Variants in FGF13 observed in about 807,000 individuals in gnomAD.
The protein encoded by FGF13 is fibroblast growth factor homologous factor 2.
FGF13 carries 2 observed loss-of-function variants against 19.5 expected under a neutral mutation model. The observed-to-expected ratio is 0.10, with a 90% CI of 0.04 to 0.32. The LOEUF is 0.32. Among genes scored for constraint, FGF13 ranks in the 10% least tolerant of loss-of-function variants. The probability of loss-of-function intolerance (pLI) is 1.00; values close to 1 mark genes in which losing one functional copy is unlikely to be tolerated. For synonymous variants in FGF13, 72 were observed against 76.9 expected, an observed-to-expected ratio of 0.94 and a Z score of 0.33; for missense variants, 113 against 192.7, an observed-to-expected ratio of 0.59 and a Z score of 2.45.
At chrX:139,158,569 G>C (rs1342053257) in intron 1 of FGF13, among the ~76,000 whole-genome samples, 1 of 110,994 alleles carries the variant, frequency 9.0e-6, no homozygotes, top group East Asian at 2.9e-4. Context: ...CTCCTCTCTG[G>C]GCAGGGCATC....
At chrX:139,200,638 G>A (rs1346268172) in intron 1 of FGF13, among the ~76,000 whole-genome samples, 2 of 112,341 alleles carry the variant, frequency 1.8e-5, no homozygotes, top group Non-Finnish European at 3.8e-5. Context: ...TATGGTGGCT[G>A]TTAAGCTAAG....
At chrX:138,786,302 C>G (rs1218182008) in intron 3 of FGF13, among the ~76,000 whole-genome samples, 5 of 111,010 alleles carry the variant, frequency 4.5e-5, no homozygotes, top group African/African-American at 1.6e-4. Flanking sequence ...GAGGGATTTC[C>G]ATCTTCACTC....
At chrX:139,165,511 G>A (rs775162018) in intron 1 of FGF13, among the ~76,000 whole-genome samples, 3 of 111,420 alleles carry the variant, frequency 2.7e-5, no homozygotes, top group South Asian at 3.8e-4. Context: ...GAAAAATCCC[G>A]AAAGCACTTT....
intron 1 of FGF13, among the ~76,000 whole-genome samples, chrX:139,131,263 C>T (rs1160151830): frequency 4.5e-5 from 5 of 111,550 alleles, no homozygotes; most frequent in African/African-American, 1.3e-4. Context: ...CACTCTATCA[C>T]TTATTTGCTG....
At chrX:138,871,606 T>C (rs888865154) in intron 1 of FGF13, among the ~76,000 whole-genome samples, 2 of 112,379 alleles carry the variant, frequency 1.8e-5, no homozygotes, top group Non-Finnish European at 3.7e-5. Context: ...TAATTCAGCC[T>C]AATCTACATA....
chrX:138,800,465 C>T (rs977143711), intron 3 of FGF13, among the ~76,000 whole-genome samples: 9 of 111,891 alleles, frequency 8.0e-5, no homozygotes, highest in Non-Finnish European at 1.1e-4. Context: ...ATGGGCTCCT[C>T]TTTGTAAGTA....
At chrX:138,690,079 G>A (rs1351935682) in intron 3 of FGF13, among the ~76,000 whole-genome samples, 3 of 111,430 alleles carry the variant, frequency 2.7e-5, no homozygotes, top group African/African-American at 9.8e-5. Flanking sequence ...ATGTAATGAA[G>A]AGCTTTAATA....
At chrX:139,094,563 G>T (rs4829959) in intron 1 of FGF13, among the ~76,000 whole-genome samples, 8,297 of 111,500 alleles carry the variant, frequency 0.074, 372 homozygotes, top group African/African-American at 0.16. Flanking sequence ...GGAGAGGGCT[G>T]ACCTGACCAA....
At chrX:138,813,350 A>G (rs772255549) in intron 3 of FGF13, among the ~76,000 whole-genome samples, 6 of 111,240 alleles carry the variant, frequency 5.4e-5, no homozygotes, top group Admixed American at 2.9e-4. Context: ...ACAGCTTCCT[A>G]ACTGAGCTCT....
chrX:138,740,659 G>GA (rs1222959567), upstream of FGF13, among the ~76,000 whole-genome samples: 1 of 111,557 alleles, frequency 9.0e-6, no homozygotes, highest in Non-Finnish European at 1.9e-5. Context: ...ACAGCCCAGG[G>GA]ACCTGAACAA....
intron 1 of FGF13, among the ~76,000 whole-genome samples, chrX:139,171,194 TG>T (rs200205660): frequency 0.067 from 7,450 of 111,472 alleles, 605 homozygotes; most frequent in African/African-American, 0.23. Context: ...TTCATCTTAG[TG>T]TCCCCAGAGC....
intron 1 of FGF13, among the ~76,000 whole-genome samples, chrX:139,045,577 T>A (rs188555047): frequency 6.2e-5 from 7 of 112,629 alleles, no homozygotes; most frequent in Non-Finnish European, 1.1e-4. Context: ...CCTTTGCTCC[T>A]GCATCTGAGC....
intron 1 of FGF13, among the ~76,000 whole-genome samples, chrX:139,091,961 G>A (rs141269551): frequency 0.016 from 1,784 of 110,435 alleles, 45 homozygotes; most frequent in African/African-American, 0.056. Flanking sequence ...TTAGAAAGAG[G>A]TACCTGGCAC....
chrX:139,151,777 T>G (rs1332890654), intron 1 of FGF13, among the ~76,000 whole-genome samples: 1 of 112,110 alleles, frequency 8.9e-6, no homozygotes, highest in Non-Finnish European at 1.9e-5. Flanking sequence ...ACACACAAAG[T>G]TAATTGTTAA....
intron 1 of FGF13, among the ~76,000 whole-genome samples, chrX:138,985,415 A>G (rs1441748966): frequency 8.9e-6 from 1 of 111,966 alleles, no homozygotes; most frequent in African/African-American, 3.2e-5. Flanking sequence ...CCTACCTAAT[A>G]TTCCTGTTAA....
At chrX:139,110,875 T>TGAAATCTAGCGTTCCA (rs1259322145) in intron 1 of FGF13, among the ~76,000 whole-genome samples, 1 of 110,965 alleles carries the variant, frequency 9.0e-6, no homozygotes, top group African/African-American at 3.3e-5. Context: ...CTATGCGTCC[T>TGAAATCTAGCGTTCCA]GAAATCTAGC....
At chrX:138,933,136 A>G (rs1220091641) in intron 1 of FGF13, among the ~76,000 whole-genome samples, 2 of 111,217 alleles carry the variant, frequency 1.8e-5, no homozygotes, top group African/African-American at 6.5e-5. Flanking sequence ...CTGGCTCCCC[A>G]CTGCCTGCAG....
intron 1 of FGF13, among the ~76,000 whole-genome samples, chrX:139,125,615 T>C (rs891160373): frequency 9.0e-6 from 1 of 110,618 alleles, no homozygotes; most frequent in African/African-American, 3.3e-5. Flanking sequence ...TTAAAAAGAG[T>C]TATTTAAAGG....
chrX:138,990,956 A>T (rs1418812684), intron 1 of FGF13, among the ~76,000 whole-genome samples: 1 of 112,095 alleles, frequency 8.9e-6, no homozygotes, highest in South Asian at 3.8e-4. Flanking sequence ...AGCAGATCAT[A>T]CGCTGGATTC....
Sources: gnomAD v4.1 joint callset for allele counts (sites outside exome capture counted in the v4.1 genomes callset) on GRCh38, gnomAD v4.1.1 for gene constraint, MANE v1.5 for transcripts, NCBI Gene and HGNC (gene_info 2026-07-23, HGNC 2026-07-21) for gene names.